Variants in ANKRD27 observed in about 807,000 individuals in gnomAD.
ANKRD27 encodes ankyrin repeat domain 27, also known as ankyrin repeat domain-containing protein 27.
A neutral mutation model predicts 129.7 loss-of-function variants in ANKRD27; 112 were observed. The observed-to-expected ratio is 0.86, with a 90% CI of 0.74 to 1.01. ANKRD27 has a LOEUF of 1.01. Ranked by LOEUF, ANKRD27 falls within the 50% of genes least tolerant of loss-of-function variation. ANKRD27 has a pLI of 0.00. For synonymous variants in ANKRD27, 516 were observed against 511.2 expected (o/e 1.01, Z -0.13); for missense variants, 1,258 against 1,300.5 (o/e 0.97, Z 0.50).
At position 32,627,392 on chromosome 19, in the gene ANKRD27, TTATTTATTTATTTATTTA is replaced by T. The variant is rs1413165233; in HGVS notation, c.1421-583_1421-566del. Among the ~76,000 whole-genome samples, 26 of 56,892 alleles carry T rather than the reference TTATTTATTTATTTATTTA, an allele frequency of 4.6e-4. 3 individuals carry two copies. Among genetic ancestry groups the T allele is most frequent in the African/African-American group, 8.9e-4 (24 of 26,972 alleles). The allele number at this position is 56,892 out of a possible 152,430, so 37.3% of individuals were successfully genotyped here. A position where few individuals can be genotyped will look rare whatever the true frequency, so the allele number is the denominator to read the frequency against. On this transcript the variant is annotated intron_variant, in intron 15 of 28. Transcript: ENST00000306065. ...TTTATTTATTTATTTATTTATTTATTTATTTATTTATTTATTTATTTTTTGAGACAGAGTCTCACTCAG... is the reference window on the plus strand; with the variant it reads ...TTTATTTATTTATTTATTTATTTATTTTTTTTGAGACAGAGTCTCACTCAG...
intron 20 of ANKRD27, among the ~76,000 whole-genome samples, chr19:32,618,424 T>G (rs1971955502): frequency 1.6e-5 from 2 of 121,336 alleles, no homozygotes; most frequent in African/African-American, 3.3e-5. Flanking sequence ...CCAGCCTGGG[T>G]GACACAGTGA....
At chr19:32,641,061 G>A (rs1341641555) in intron 10 of ANKRD27, among the ~76,000 whole-genome samples, 1 of 152,006 alleles carries the variant, frequency 6.6e-6, no homozygotes, top group African/African-American at 2.4e-5. Flanking sequence ...ACCATGCCCA[G>A]CTAATTTTTT....
intron 5 of ANKRD27, 57 bp from the exon 6 acceptor site, chr19:32,643,688 G>T (rs1967246667): frequency 1.3e-6 from 2 of 1,581,654 alleles, no homozygotes; most frequent in Non-Finnish European, 1.7e-6. Flanking sequence ...CATGACGGGG[G>T]AGCCGGAGCG....
chr19:32,636,481 T>C (rs1027223107), intron 12 of ANKRD27: 1 of 133,584 alleles, frequency 7.5e-6, no homozygotes, highest in African/African-American at 2.9e-5. Context: ...AATGAACGAA[T>C]AAAATGCTGG....
At chr19:32,611,280 G>A (rs1270755927) in intron 22 of ANKRD27, among the ~76,000 whole-genome samples, 2 of 152,082 alleles carry the variant, frequency 1.3e-5, no homozygotes, top group African/African-American at 2.4e-5. Context: ...AGGGCCCGAG[G>A]GCTTCATCAC....
At chr19:32,606,822 G>C (rs990964358) in intron 23 of ANKRD27, among the ~76,000 whole-genome samples, 1 of 151,426 alleles carries the variant, frequency 6.6e-6, no homozygotes, top group Admixed American at 6.6e-5. Flanking sequence ...GAAAAGCAGG[G>C]CCTGGTGCTG....
chr19:32,620,246 C>T (rs535159329), intron 18 of ANKRD27, among the ~76,000 whole-genome samples: 1 of 146,128 alleles, frequency 6.8e-6, no homozygotes, highest in Non-Finnish European at 1.5e-5. Context: ...CACACACACA[C>T]AAAATAATTT....
At chr19:32,644,853 G>T (rs933178523) in intron 4 of ANKRD27, among the ~76,000 whole-genome samples, 2 of 152,232 alleles carry the variant, frequency 1.3e-5, no homozygotes, top group Non-Finnish European at 2.9e-5. Flanking sequence ...AGACAGCCCT[G>T]AAGCTGACAC....
At chr19:32,617,752 A>AG in intron 20 of ANKRD27, 119 bp from the exon 21 acceptor site, 1 of 395,950 alleles carries the variant, frequency 2.5e-6, no homozygotes, top group Non-Finnish European at 4.7e-6. Flanking sequence ...CGTCTGATTT[A>AG]GTTTTTTTTT....
At chr19:32,627,966 A>G in intron 15 of ANKRD27, 117 bp downstream of exon 15, 1 of 897,292 alleles carries the variant, frequency 1.1e-6, no homozygotes, top group South Asian at 1.5e-5. Flanking sequence ...TGGACCCACG[A>G]TGCAGCCCCA....
At chr19:32,625,592 T>A (rs7258672) in intron 17 of ANKRD27, among the ~76,000 whole-genome samples, 98,591 of 151,636 alleles carry the variant, frequency 0.65, 32,270 homozygotes, top group African/African-American at 0.71. Flanking sequence ...CACCACGCCC[T>A]GCTAATTTTT....
At chr19:32,607,954 G>C (rs1971773268) in intron 22 of ANKRD27, 122 bp from the exon 23 acceptor site, 1 of 1,033,410 alleles carries the variant, frequency 9.7e-7, no homozygotes, top group African/African-American at 1.6e-5. Flanking sequence ...GCGGGATCCA[G>C]GATGGATTCC....
intron 1 of ANKRD27, among the ~76,000 whole-genome samples, chr19:32,663,120 T>C (rs564131132): frequency 1.3e-5 from 2 of 152,324 alleles, no homozygotes; most frequent in African/African-American, 4.8e-5. Context: ...TACACACTTA[T>C]AAAAGGGCTT....
chr19:32,617,352 T>C (rs965841526), intron 21 of ANKRD27, among the ~76,000 whole-genome samples: 2 of 152,282 alleles, frequency 1.3e-5, no homozygotes, highest in South Asian at 4.1e-4. Context: ...AAGATCAGAC[T>C]GGGCAATATA....
chr19:32,622,362 A>G, intron 18 of ANKRD27, 60 bp downstream of exon 18: 1 of 1,580,236 alleles, frequency 6.3e-7, no homozygotes. Context: ...CCAAGACCTA[A>G]GCTACGGACA....
chr19:32,647,448 G>A (rs1469783004), intron 3 of ANKRD27, among the ~76,000 whole-genome samples: 2 of 152,242 alleles, frequency 1.3e-5, no homozygotes, highest in East Asian at 3.8e-4. Flanking sequence ...GCGGAAGCAG[G>A]TAGGTTCTGA....
intron 20 of ANKRD27, 52 bp downstream of exon 20, chr19:32,619,208 G>A: frequency 1.3e-6 from 2 of 1,581,980 alleles, no homozygotes; most frequent in South Asian, 1.2e-5. Flanking sequence ...GGACACCACT[G>A]CCCAGGGCCG....
chr19:32,616,448 G>T (rs1330201179), intron 21 of ANKRD27, among the ~76,000 whole-genome samples: 1 of 151,704 alleles, frequency 6.6e-6, no homozygotes, highest in African/African-American at 2.4e-5. Flanking sequence ...ACCTTCTCAG[G>T]AGGCTGAAGC....
chr19:32,656,422 C>T (rs550018534), intron 2 of ANKRD27, among the ~76,000 whole-genome samples: 14 of 152,286 alleles, frequency 9.2e-5, no homozygotes, highest in Admixed American at 1.3e-4. Flanking sequence ...TCACCACCAC[C>T]GTAATTAGTA....
Sources: gnomAD v4.1 joint callset for allele counts (sites outside exome capture counted in the v4.1 genomes callset) on GRCh38, gnomAD v4.1.1 for gene constraint, MANE v1.5 for transcripts, NCBI Gene and HGNC (gene_info 2026-07-23, HGNC 2026-07-21) for gene names.